Variants in ZFYVE26 observed in about 807,000 individuals in gnomAD.
ZFYVE26 encodes zinc finger FYVE-type containing 26.
ZFYVE26 carries 181 observed loss-of-function variants against 276.5 expected under a neutral mutation model. The ratio of observed to expected loss-of-function variants is 0.65; its 90% CI spans 0.58 to 0.74. The LOEUF is 0.74. Ranked by LOEUF, ZFYVE26 falls within the 30% of genes least tolerant of loss-of-function variation. The probability of loss-of-function intolerance (pLI) is 0.00; values close to 1 mark genes in which losing one functional copy is unlikely to be tolerated. For synonymous variants in ZFYVE26, 1,129 were observed against 1,203.1 expected (o/e 0.94, Z 1.27); for missense variants, 2,821 against 3,097.9 (o/e 0.91, Z 2.12).
At position 67,780,250 on chromosome 14, in the gene ZFYVE26, T is replaced by C. The variant is rs749442870; in HGVS notation, c.4665A>G (p.Leu1555=). The C allele has an allele frequency of 4.4e-5, 71 of 1,613,792 alleles. No homozygotes were observed. Among genetic ancestry groups the C allele is most frequent in the Non-Finnish European group, 5.8e-5 (68 of 1,179,932 alleles). The part of the protein sequence containing the change: ...EDPSTVMNMI[L]EAQEYELCEE... Reference sequence around the variant, plus strand: ...CCCAGGAAAACGGTACCTGTGCTTCTAGAATCATGTTCATGACAGTTGATG... The same window carrying C: ...CCCAGGAAAACGGTACCTGTGCTTCCAGAATCATGTTCATGACAGTTGATG... Residue 1555 remains leucine, a synonymous_variant, in exon 23 of 42, where the codon CTA becomes CTG. Coordinates refer to ENST00000347230, the MANE Select transcript of ZFYVE26 (RefSeq NM_015346.4).
Position 67,807,806 on chromosome 14 carries a change from G to T in ZFYVE26, c.478C>A (p.Leu160Ile). The part of the protein sequence containing the change: ...SSEAVSVLWD[L>I]LRQSPQPAQA... ...GCTGGCTGGGGAGACTGCCTCAGGAGATCCCAGAGCACAGAGACAGCTTCG... is the reference window on the plus strand; with the variant it reads ...GCTGGCTGGGGAGACTGCCTCAGGATATCCCAGAGCACAGAGACAGCTTCG... Residue 160 changes from leucine (L) to isoleucine (I), a missense_variant, in exon 5 of 42, where the codon CTC becomes ATC. By Grantham distance (5) the Leu-to-Ile change is conservative. Coordinates refer to ENST00000347230, the MANE Select transcript of ZFYVE26 (RefSeq NM_015346.4). The T allele has an allele frequency of 6.2e-7, 1 of 1,614,172 alleles. No homozygotes were observed. Among genetic ancestry groups the T allele is most frequent in the Admixed American group, 1.7e-5 (1 of 60,028 alleles).
intron 13 of ZFYVE26, among the ~76,000 whole-genome samples, chr14:67,730,992 G>T (rs1802366701): frequency 1.3e-5 from 2 of 152,158 alleles, no homozygotes; most frequent in South Asian, 2.1e-4. Context: ...TGAGATAAAA[G>T]ATATCTCATT....
At chr14:67,812,827 C>CT (rs1331126412) in intron 3 of ZFYVE26, among the ~76,000 whole-genome samples, 10 of 152,124 alleles carry the variant, frequency 6.6e-5, no homozygotes, top group Non-Finnish European at 1.3e-4. Flanking sequence ...AACAATAGTT[C>CT]TTTTTCTCTT....
At chr14:67,807,305 G>T in intron 5 of ZFYVE26, 93 bp downstream of exon 5, 1 of 1,562,254 alleles carries the variant, frequency 6.4e-7, no homozygotes. Flanking sequence ...TAGATGTCCT[G>T]AGCCACACGG....
intron 3 of ZFYVE26, among the ~76,000 whole-genome samples, chr14:67,810,172 G>A (rs771257765): frequency 1.7e-4 from 26 of 152,194 alleles, no homozygotes; most frequent in Non-Finnish European, 3.2e-4. Context: ...CTGATCAGCC[G>A]TAAGTTCCAA....
rs765618778 is a variant in ZFYVE26 at position 67,793,663 on chromosome 14, G to C, written c.2498C>G (p.Pro833Arg). The change falls in exon 14 of 42, where the codon CCT (proline) becomes CGT (arginine). Residue 833 changes from proline to arginine, a missense_variant. By Grantham distance (103) the Pro-to-Arg change is moderately radical. Coordinates refer to ENST00000347230, the MANE Select transcript of ZFYVE26 (RefSeq NM_015346.4). Reference protein sequence around the residue: ...SSLIPMMFSPPESLLASCILR... With the variant: ...SSLIPMMFSPRESLLASCILR... ...GATGCAGGATGCCAGCAGTGACTCA[G>C]GTGGGGAGAACATCATGGGGATGAG... 3 of 1,613,882 alleles carry C rather than the reference G, an allele frequency of 1.9e-6. No individual in the cohort carries two copies. The highest frequency in any genetic ancestry group is 1.7e-5 in the Admixed American group (1 of 60,014).
chr14:67,752,347 G>T lies in ZFYVE26; in HGVS notation c.7368C>A (p.Pro2456=). 1 of 1,609,468 alleles carries T rather than the reference G, an allele frequency of 6.2e-7. No homozygotes were observed. The highest frequency in any genetic ancestry group is 1.1e-5 in the South Asian group (1 of 89,840). The change falls in exon 40 of 42, where the codon CCC becomes CCA. Residue 2456 remains proline, a synonymous_variant. Coordinates refer to ENST00000347230, the MANE Select transcript of ZFYVE26 (RefSeq NM_015346.4). ...NCLEAFKRIP[P]QELEGLIQAI... ...AGAGGTACGGGAGGGAGTGTACCTG[G>T]GGCGGAATTCTCTTGAACGCTTCCA...
Position 67,793,591 on chromosome 14 carries a change from G to A in ZFYVE26, c.2553+17C>T, listed in dbSNP as rs746098433. The A allele has an allele frequency of 6.2e-7, 1 of 1,612,448 alleles. No homozygotes were observed. Among genetic ancestry groups the A allele is most frequent in the Non-Finnish European group, 8.5e-7 (1 of 1,179,354 alleles). On this transcript the variant is annotated intron_variant, in intron 14 of 41. Coordinates refer to ENST00000347230, the MANE Select transcript of ZFYVE26 (RefSeq NM_015346.4). ...GCTAAGTCATTCAGGGGCTGAAAAGGTATGGCCTCCCCTCACCTGATGGGC... is the reference window on the plus strand; with the variant it reads ...GCTAAGTCATTCAGGGGCTGAAAAGATATGGCCTCCCCTCACCTGATGGGC...
rs765814690 is a variant in ZFYVE26, at chr14:67,798,390, T to C, written c.1872A>G (p.Ala624=). Residue 624 remains alanine (A), a synonymous_variant, in exon 11 of 42, where the codon GCA becomes GCG. Coordinates refer to ENST00000347230, the MANE Select transcript of ZFYVE26 (RefSeq NM_015346.4). ...RSPSESPQHI[A]HPERKSERGS... ...CCCGTTCTGACTTCCTTTCAGGATGTGCTATGTGCTGAGGGCTCTCTGATG... is the reference window on the plus strand; with the variant it reads ...CCCGTTCTGACTTCCTTTCAGGATGCGCTATGTGCTGAGGGCTCTCTGATG... 7.4e-6 allele frequency: 12 copies of C among 1,610,918 alleles called. No individual in the cohort carries two copies. The highest frequency in any genetic ancestry group is 3.4e-5 in the Admixed American group (2 of 59,670).
intron 3 of ZFYVE26, among the ~76,000 whole-genome samples, chr14:67,812,915 T>C (rs1839858512): frequency 6.6e-6 from 1 of 152,244 alleles, no homozygotes; most frequent in African/African-American, 2.4e-5. Flanking sequence ...AGCCAACTCT[T>C]AATGATGCTG....
downstream of ZFYVE26, among the ~76,000 whole-genome samples, chr14:67,743,554 A>C (rs1245377659): frequency 2.4e-5 from 3 of 125,908 alleles, no homozygotes; most frequent in East Asian, 7.9e-4. Flanking sequence ...AATAAAATAA[A>C]ATAAAGCAAA....
chr14:67,779,133 T>C (rs1250563398), intron 23 of ZFYVE26, among the ~76,000 whole-genome samples: 1 of 152,224 alleles, frequency 6.6e-6, no homozygotes, highest in African/African-American at 2.4e-5. Context: ...TCTTAAAAGG[T>C]AGACAAAATC....
chr14:67,784,481 A>AAGAGTTCAG (rs772020294), intron 19 of ZFYVE26, 45 bp from the exon 20 acceptor site: 2 of 1,545,086 alleles, frequency 1.3e-6, no homozygotes, highest in Admixed American at 3.3e-5. Flanking sequence ...CACTGACTGC[A>AAGAGTTCAG]AGAGTTCAGA....
At chr14:67,778,316 T>A in intron 23 of ZFYVE26, 68 bp from the exon 24 acceptor site, 1 of 1,605,628 alleles carries the variant, frequency 6.2e-7, no homozygotes, top group Non-Finnish European at 8.5e-7. Flanking sequence ...CAGTCTTGAG[T>A]CTACAAAGCC....
Position 67,761,333 on chromosome 14 carries a change from G to A in ZFYVE26, c.6588+33C>T, listed in dbSNP as rs747398922. On this transcript the variant is annotated intron_variant, in intron 35 of 41. Transcript: ENST00000347230. ...GGTCCAAGCCAGAGGAGTAAGGCAG[G>A]CACTGCCTTTTTGAGCTGTGTCCAT... 5 of 1,571,042 alleles carry A rather than the reference G, an allele frequency of 3.2e-6. No individual in the cohort carries two copies. In the Admixed American group the frequency reaches 5.2e-5, roughly 16 times the overall value.
At chr14:67,732,429 CAAA>C (rs11310522) in intron 13 of ZFYVE26, among the ~76,000 whole-genome samples, 25 of 126,470 alleles carry the variant, frequency 2.0e-4, no homozygotes, top group Non-Finnish European at 1.8e-4. Context: ...GACCCTATCT[CAAA>C]AAAAAAAAAA....
At chr14:67,768,665 G>C in intron 29 of ZFYVE26, 117 bp from the exon 30 acceptor site, 1 of 987,796 alleles carries the variant, frequency 1.0e-6, no homozygotes, top group Non-Finnish European at 1.6e-6. Flanking sequence ...GCTCTTTGAG[G>C]GTAGAATTGT....
Position 67,782,987 on chromosome 14 carries a change from C to G in ZFYVE26, c.4165G>C (p.Val1389Leu). ...GSLQQGQSLAVNLCGWASLST... is the reference protein window; with the variant it reads ...GSLQQGQSLALNLCGWASLST... ...AGACTGGCCCAACCACAGAGATTCA[C>G]TGCCAGACTCTGCCCCTGCTGCAAA... is the stretch of plus-strand genomic sequence containing the variant. Residue 1389 changes from valine (V) to leucine (L), a missense_variant, in exon 21 of 42, where the codon GTG becomes CTG. By Grantham distance (32) the Val-to-Leu change is conservative. Transcript: ENST00000347230. The G allele has an allele frequency of 6.2e-7, 1 of 1,614,252 alleles. No homozygotes were observed. The highest frequency in any genetic ancestry group is 8.5e-7 in the Non-Finnish European group (1 of 1,180,052).
chr14:67,769,131 T>C (rs1244816491), intron 29 of ZFYVE26, among the ~76,000 whole-genome samples: 1 of 152,154 alleles, frequency 6.6e-6, no homozygotes, highest in Non-Finnish European at 1.5e-5. Context: ...GTGAACTCTG[T>C]GTAGGCAAGT....
Sources: allele counts gnomAD v4.1 joint callset (sites outside exome capture counted in the v4.1 genomes callset), GRCh38; gene constraint gnomAD v4.1.1; transcripts MANE v1.5; gene names NCBI Gene and HGNC (gene_info 2026-07-23, HGNC 2026-07-21).